Variants in THSD4 observed in about 807,000 individuals in gnomAD.
THSD4 encodes thrombospondin type-1 domain-containing protein 4.
In THSD4, 69 loss-of-function variants were observed where a neutral mutation model predicts 119.0. The observed-to-expected ratio is 0.58, with a 90% CI of 0.48 to 0.71. The LOEUF (loss-of-function observed/expected upper bound fraction) is 0.71. THSD4 is among the 30% of genes least tolerant of loss of function. The probability of loss-of-function intolerance (pLI) is 0.00; values close to 1 mark genes in which losing one functional copy is unlikely to be tolerated. For missense variants in THSD4, 1,393 were observed against 1,391.1 expected, an observed-to-expected ratio of 1.00 and a Z score of -0.02; for synonymous variants, 524 against 540.4, an observed-to-expected ratio of 0.97 and a Z score of 0.42.
chr15:71,775,043 G>A (rs2053889229), intron 17 of THSD4, among the ~76,000 whole-genome samples: 1 of 152,108 alleles, frequency 6.6e-6, no homozygotes, highest in Non-Finnish European at 1.5e-5. Flanking sequence ...CTACTCAGGA[G>A]GCTGAGGCAG....
chr15:71,297,483 G>A (rs1368036776), intron 6 of THSD4, among the ~76,000 whole-genome samples: 3 of 151,978 alleles, frequency 2.0e-5, no homozygotes, highest in Admixed American at 1.3e-4. Context: ...TTACAGGCAC[G>A]TGCCCCCATG....
At chr15:71,322,638 G>A (rs1939490554) in intron 6 of THSD4, among the ~76,000 whole-genome samples, 1 of 152,208 alleles carries the variant, frequency 6.6e-6, no homozygotes, top group Admixed American at 6.5e-5. Flanking sequence ...TCATGGGGTT[G>A]CAGTCAGGTT....
At chr15:71,664,258 A>ACCATG (rs2051371254) in intron 8 of THSD4, among the ~76,000 whole-genome samples, 1 of 152,122 alleles carries the variant, frequency 6.6e-6, no homozygotes, top group Admixed American at 6.5e-5. Flanking sequence ...CTGGGATTAC[A>ACCATG]GGCATGAGCC....
At chr15:71,153,398 A>G (rs555219962) in intron 2 of THSD4, among the ~76,000 whole-genome samples, 7 of 152,330 alleles carry the variant, frequency 4.6e-5, no homozygotes, top group African/African-American at 1.7e-4. Flanking sequence ...GAATGTGTGC[A>G]TACTTAGTAT....
chr15:71,614,881 C>A (rs11631723), intron 7 of THSD4, among the ~76,000 whole-genome samples: 26,765 of 152,196 alleles, frequency 0.18, 2,895 homozygotes, highest in Non-Finnish European at 0.24. Context: ...CTAGTATAAG[C>A]AAACATCCCA....
chr15:71,523,349 C>T (rs573070952), intron 7 of THSD4, among the ~76,000 whole-genome samples: 16 of 152,312 alleles, frequency 1.1e-4, no homozygotes, highest in South Asian at 2.1e-4. Context: ...CATCACCACA[C>T]GGCCTTCTTT....
intron 7 of THSD4, among the ~76,000 whole-genome samples, chr15:71,602,574 AAAAAAAT>A (rs1346133541): frequency 8.7e-5 from 13 of 150,152 alleles, no homozygotes; most frequent in African/African-American, 2.9e-4. Context: ...AAAAAAAAAA[AAAAAAAT>A]GAAAAAGAAA....
intron 7 of THSD4, among the ~76,000 whole-genome samples, chr15:71,646,189 C>T (rs746483163): frequency 1.2e-4 from 19 of 152,324 alleles, no homozygotes; most frequent in Admixed American, 2.6e-4. Flanking sequence ...ATACATTCAT[C>T]CTATCAGATA....
intron 14 of THSD4, among the ~76,000 whole-genome samples, chr15:71,755,506 TAGAA>T (rs2053521846): frequency 6.6e-6 from 1 of 151,902 alleles, no homozygotes; most frequent in Non-Finnish European, 1.5e-5. Flanking sequence ...CAGAAACCCT[TAGAA>T]AGGGCTTTGG....
At chr15:71,662,716 G>T (rs1447199934) in intron 8 of THSD4, among the ~76,000 whole-genome samples, 1 of 152,112 alleles carries the variant, frequency 6.6e-6, no homozygotes, top group African/African-American at 2.4e-5. Context: ...GCTCTCGGAG[G>T]CTTGTTGTTT....
chr15:71,535,392 A>G (rs1416815358), intron 7 of THSD4, among the ~76,000 whole-genome samples: 1 of 152,224 alleles, frequency 6.6e-6, no homozygotes, highest in Non-Finnish European at 1.5e-5. Flanking sequence ...GGTGATGGAT[A>G]TTTGAGTTAC....
At chr15:71,361,323 CA>C (rs1271631017) in intron 6 of THSD4, among the ~76,000 whole-genome samples, 1 of 152,028 alleles carries the variant, frequency 6.6e-6, no homozygotes, top group East Asian at 1.9e-4. Context: ...TGCTACCTCC[CA>C]AAAAAGGACA....
rs1309693018 is a variant in THSD4 at position 71,115,869 on chromosome 15, A to G, written c.-80+171A>G. ...GGGCTGCGCCGCTCCGGGCTCGGGG[A>G]GCCAGCGCGCGCCTGGTCCGTGCGG... is the stretch of plus-strand genomic sequence containing the variant. On this transcript the variant is annotated intron_variant, in intron 1 of 17. Transcript: ENST00000261862. This position sits in a 1 kb window ranked among gnomAD's most constrained non-coding sequence, Gnocchi z 4.4. Among the ~76,000 whole-genome samples, 4 of 151,512 alleles carry G rather than the reference A, an allele frequency of 2.6e-5. No homozygotes were observed. The highest frequency in any genetic ancestry group is 1.5e-5 in the Non-Finnish European group (1 of 67,850).
chr15:71,462,528 C>A (rs1231247106), intron 7 of THSD4, among the ~76,000 whole-genome samples: 1 of 152,196 alleles, frequency 6.6e-6, no homozygotes, highest in African/African-American at 2.4e-5. Flanking sequence ...CCCACTTCTA[C>A]TTTAATATAT....
Position 71,330,849 on chromosome 15 carries a change from G to A in THSD4, c.1015+74134G>A, listed in dbSNP as rs534995645. Reference sequence around the variant, plus strand: ...TGTTGGTTGCCAAGAGTAAGAGAGCGACTAGGTTGGTAAGTAATTTCAAAT... The same window carrying A: ...TGTTGGTTGCCAAGAGTAAGAGAGCAACTAGGTTGGTAAGTAATTTCAAAT... On this transcript the variant is annotated intron_variant, in intron 6 of 17. Transcript: ENST00000261862. Among the ~76,000 whole-genome samples the A allele has an allele frequency of 8.5e-5, 13 of 152,298 alleles. No homozygotes were observed. In the South Asian group the frequency reaches 1.5e-3, roughly 17 times the overall value.
intron 4 of THSD4, among the ~76,000 whole-genome samples, chr15:71,234,942 A>C (rs555473728): frequency 4.6e-5 from 7 of 152,172 alleles, no homozygotes; most frequent in Non-Finnish European, 1.0e-4. Flanking sequence ...CCACACTCAC[A>C]TCTCTGTGTG....
At chr15:71,510,418 A>T (rs948549415) in intron 7 of THSD4, among the ~76,000 whole-genome samples, 1 of 152,230 alleles carries the variant, frequency 6.6e-6, no homozygotes, top group African/African-American at 2.4e-5. Context: ...GGAGATTGAT[A>T]ATAAATGCAC....
chr15:71,363,279 A>G (rs1049406132), intron 6 of THSD4, among the ~76,000 whole-genome samples: 5 of 152,244 alleles, frequency 3.3e-5, no homozygotes, highest in African/African-American at 2.4e-5. Flanking sequence ...CTGCATTGCA[A>G]TAAAAATTTA....
chr15:71,732,254 A>G (rs1290051906), intron 10 of THSD4: 2 of 152,164 alleles, frequency 1.3e-5, no homozygotes, highest in Admixed American at 1.3e-4. Context: ...TCTGTCTACT[A>G]TATGCCTTTT....
Sources: gnomAD v4.1 joint callset for allele counts (sites outside exome capture counted in the v4.1 genomes callset) on GRCh38, gnomAD v4.1.1 for gene constraint, Gnocchi (gnomAD v3.1) non-coding constraint, MANE v1.5 for transcripts, NCBI Gene and HGNC (gene_info 2026-07-23, HGNC 2026-07-21) for gene names.